The following RAB27B variants were observed in gnomAD, a reference collection of about 807,000 sequenced individuals.
RAB27B encodes the protein ras-related protein Rab-27B.
RAB27B carries 15 observed loss-of-function variants against 24.6 expected under a neutral mutation model. That is an observed-to-expected ratio of 0.61 (90% CI 0.41 to 0.94). RAB27B has a LOEUF of 0.94. Ranked by LOEUF, RAB27B falls within the 40% of genes least tolerant of loss-of-function variation. The pLI, the probability that RAB27B is intolerant of heterozygous loss-of-function variation, is 0.00. For missense variants in RAB27B, 261 were observed against 266.8 expected (o/e 0.98, Z 0.15); for synonymous variants, 105 against 92.5 (o/e 1.14, Z -0.78).
At chr18:54,785,682 A>G (rs1223210783) in intron 2 of RAB27B, among the ~76,000 whole-genome samples, 2 of 152,082 alleles carry the variant, frequency 1.3e-5, no homozygotes, top group African/African-American at 4.8e-5. Context: ...TCCCTGTTCT[A>G]TGCTCAATGC....
chr18:54,723,269 C>T (rs1029807512), intron 2 of RAB27B, among the ~76,000 whole-genome samples: 2 of 152,206 alleles, frequency 1.3e-5, no homozygotes, highest in Admixed American at 1.3e-4. Context: ...CTACCTGCGG[C>T]TCTGAGGTGC....
intron 1 of RAB27B, among the ~76,000 whole-genome samples, chr18:54,844,950 A>G (rs1029515423): frequency 1.3e-5 from 2 of 152,124 alleles, no homozygotes; most frequent in Non-Finnish European, 2.9e-5. Context: ...TTCATCATCA[A>G]CACTAGAAAT....
At chr18:54,868,180 C>T (rs1449916699) in intron 1 of RAB27B, among the ~76,000 whole-genome samples, 1 of 152,162 alleles carries the variant, frequency 6.6e-6, no homozygotes, top group Non-Finnish European at 1.5e-5. Context: ...AATTCTTATT[C>T]TGGCCACCAG....
chr18:54,891,378 G>T lies in RAB27B; in HGVS notation c.*1965G>T, dbSNP rs1354075086. Reference sequence around the variant, plus strand: ...ACAGGTTCGAAGATGGGTTGTGGCTGGGTATTCCCTCCCATGGTGTTTCCT... The same window carrying T: ...ACAGGTTCGAAGATGGGTTGTGGCTTGGTATTCCCTCCCATGGTGTTTCCT... On this transcript the variant is annotated 3_prime_UTR_variant, in exon 6 of 6. Coordinates refer to ENST00000262094, the MANE Select transcript of RAB27B (RefSeq NM_004163.4). 1.3e-5 allele frequency: 2 copies of T among 152,078 alleles called. No homozygotes were observed. Among genetic ancestry groups the T allele is most frequent in the Non-Finnish European group, 2.9e-5 (2 of 68,016 alleles). The allele number at this position is 152,078 out of a possible 1,614,324, so 9.4% of individuals were successfully genotyped here. A position where few individuals can be genotyped will look rare whatever the true frequency, so the allele number is the denominator to read the frequency against.
At chr18:54,722,319 A>C (rs1909385260) in intron 2 of RAB27B, among the ~76,000 whole-genome samples, 1 of 152,192 alleles carries the variant, frequency 6.6e-6, no homozygotes, top group African/African-American at 2.4e-5. Context: ...AGCCTCAGCT[A>C]GGATCTTTGT....
At chr18:54,753,190 T>C (rs1008044055) in intron 2 of RAB27B, among the ~76,000 whole-genome samples, 4 of 152,106 alleles carry the variant, frequency 2.6e-5, no homozygotes, top group Admixed American at 2.6e-4. Context: ...GGTCACAAGA[T>C]TAAAGGGATC....
At chr18:54,748,904 A>C (rs543398111) in intron 2 of RAB27B, among the ~76,000 whole-genome samples, 3 of 152,236 alleles carry the variant, frequency 2.0e-5, no homozygotes, top group Admixed American at 6.5e-5. Context: ...AAAGGTGTAC[A>C]GACCCAGGAG....
rs531273284 is a variant in RAB27B at position 54,874,232 on chromosome 18, C to T, written c.-19-3335C>T. 4.6e-5 allele frequency among the ~76,000 whole-genome samples: 7 copies of T among 152,316 alleles called. No individual in the cohort carries two copies. In the South Asian group the frequency reaches 1.2e-3, roughly 27 times the overall value. On this transcript the variant is annotated intron_variant, in intron 1 of 5. Coordinates refer to ENST00000262094, the MANE Select transcript of RAB27B (RefSeq NM_004163.4). ...TCTCCTCATGTCTAATTCCCCTCCA[C>T]GCTATAAGGTTAAATGCAAATTTTC...
At chr18:54,846,824 G>A (rs558400178) in intron 1 of RAB27B, among the ~76,000 whole-genome samples, 2 of 152,192 alleles carry the variant, frequency 1.3e-5, no homozygotes, top group Non-Finnish European at 2.9e-5. Flanking sequence ...AAATAAAATA[G>A]AAATGGACTT....
At chr18:54,869,351 C>T (rs888495735) in intron 1 of RAB27B, among the ~76,000 whole-genome samples, 9 of 152,106 alleles carry the variant, frequency 5.9e-5, no homozygotes, top group African/African-American at 2.2e-4. Context: ...TGAATTCAGG[C>T]AAAATGTCTT....
chr18:54,831,846 G>A (rs1036672898), intron 1 of RAB27B, among the ~76,000 whole-genome samples: 3 of 152,150 alleles, frequency 2.0e-5, no homozygotes. Context: ...CACGATCTTG[G>A]CTCACTGCAA....
chr18:54,744,226 A>G (rs1311785356), intron 2 of RAB27B, among the ~76,000 whole-genome samples: 1 of 152,202 alleles, frequency 6.6e-6, no homozygotes, highest in Non-Finnish European at 1.5e-5. Context: ...TGGATGCTTA[A>G]TATTTCTTCT....
chr18:54,832,532 T>C (rs550114967), intron 1 of RAB27B, among the ~76,000 whole-genome samples: 1 of 152,298 alleles, frequency 6.6e-6, no homozygotes, highest in Non-Finnish European at 1.5e-5. Context: ...TATAGAAATT[T>C]GAGAAGCAAG....
At chr18:54,873,703 G>A (rs1448005862) in intron 1 of RAB27B, among the ~76,000 whole-genome samples, 1 of 148,924 alleles carries the variant, frequency 6.7e-6, no homozygotes, top group Non-Finnish European at 1.5e-5. Context: ...GTGTGTGTGT[G>A]TGTGTGTGTG....
chr18:54,736,331 C>T (rs566985253), intron 2 of RAB27B, among the ~76,000 whole-genome samples: 2 of 152,112 alleles, frequency 1.3e-5, no homozygotes, highest in Non-Finnish European at 2.9e-5. Flanking sequence ...TAAGGAAATA[C>T]AACATTATCT....
At chr18:54,811,075 A>G (rs769389547) in intron 2 of RAB27B, among the ~76,000 whole-genome samples, 1 of 152,104 alleles carries the variant, frequency 6.6e-6, no homozygotes, top group Non-Finnish European at 1.5e-5. Context: ...TTATAATATT[A>G]GAATCTGGAT....
At chr18:54,798,441 C>T (rs1185794268) in intron 2 of RAB27B, among the ~76,000 whole-genome samples, 1 of 152,234 alleles carries the variant, frequency 6.6e-6, no homozygotes, top group African/African-American at 2.4e-5. Flanking sequence ...GCTGATGGAG[C>T]TAGATGAGAA....
At chr18:54,732,870 C>A (rs867908010) in intron 2 of RAB27B, among the ~76,000 whole-genome samples, 1 of 152,100 alleles carries the variant, frequency 6.6e-6, no homozygotes, top group Admixed American at 6.6e-5. Flanking sequence ...TCAATAGTAA[C>A]CTTGATACAA....
chr18:54,756,546 A>G (rs1298650508), intron 2 of RAB27B, among the ~76,000 whole-genome samples: 1 of 152,090 alleles, frequency 6.6e-6, no homozygotes. Flanking sequence ...GTATAGTAAT[A>G]CTACAGCTGT....
Sources: allele counts gnomAD v4.1 joint callset (sites outside exome capture counted in the v4.1 genomes callset), GRCh38; gene constraint gnomAD v4.1.1; transcripts MANE v1.5; gene names NCBI Gene and HGNC (gene_info 2026-07-23, HGNC 2026-07-21).